Variants in LGSN observed in about 807,000 individuals in gnomAD.
LGSN encodes lengsin, lens protein with glutamine synthetase domain.
A neutral mutation model predicts 19.5 loss-of-function variants in LGSN; 21 were observed. The ratio of observed to expected loss-of-function variants is 1.07; its 90% CI spans 0.76 to 1.55. LGSN has a LOEUF of 1.55. Among genes scored for constraint, LGSN ranks in the 40% most tolerant of loss-of-function variants. LGSN has a pLI of 0.00. For synonymous variants in LGSN, 257 were observed against 215.6 expected, an observed-to-expected ratio of 1.19 and a Z score of -1.68; for missense variants, 673 against 608.5, an observed-to-expected ratio of 1.11 and a Z score of -1.12.
At chr6:63,430,632 C>T in the LGSN span, among the ~76,000 whole-genome samples, 89 of 152,252 alleles carry the variant, frequency 5.8e-4, 1 homozygote, top group South Asian at 6.6e-3. Context: ...AAGTGATTCG[C>T]TTGCCACGGC....
chr6:63,281,354 A>ATATATATATAATAAATAT (rs1767318084), intron 3 of LGSN, 134 bp from the exon 4 acceptor site: 1 of 168,694 alleles, frequency 5.9e-6, no homozygotes, highest in Non-Finnish European at 1.2e-5. Flanking sequence ...ATATATGTTT[A>ATATATATATAATAAATAT]ACACTTGTTG....
chr6:63,304,412 T>C (rs1484913347), intron 1 of LGSN, among the ~76,000 whole-genome samples: 1 of 152,220 alleles, frequency 6.6e-6, no homozygotes, highest in African/African-American at 2.4e-5. Flanking sequence ...CTTTAAATTC[T>C]CTTGCTAAAG....
At chr6:63,520,368 T>G in the LGSN span, among the ~76,000 whole-genome samples, 1 of 152,206 alleles carries the variant, frequency 6.6e-6, no homozygotes, top group East Asian at 1.9e-4. Context: ...GGCTCATGCC[T>G]GTAATCCCAG....
chr6:63,519,086 G>A, the LGSN span, among the ~76,000 whole-genome samples: 13 of 152,234 alleles, frequency 8.5e-5, no homozygotes, highest in South Asian at 2.3e-3. Flanking sequence ...AGGCCAAGGC[G>A]GGCAGATCGC....
At chr6:63,333,661 GA>G in the LGSN span, among the ~76,000 whole-genome samples, 5 of 150,506 alleles carry the variant, frequency 3.3e-5, no homozygotes, top group Non-Finnish European at 7.4e-5. Flanking sequence ...AAGGGGAAGG[GA>G]AGAGGAAGGG....
At position 63,285,750 on chromosome 6, in the gene LGSN, C is replaced by A; in HGVS notation, c.167G>T (p.Cys56Phe). The part of the protein sequence containing the change: ...GETDMSNSND[C>F]MRDSSQILTP... Reference sequence around the variant, plus strand: ...CAAAATTTGACTGCTGTCCCTCATGCAATCTGCAAAATAAAAAAATAGGTT... The same window carrying A: ...CAAAATTTGACTGCTGTCCCTCATGAAATCTGCAAAATAAAAAAATAGGTT... Residue 56 changes from cysteine to phenylalanine, a missense_variant, in exon 3 of 4, where the codon TGC becomes TTC. Transcript: ENST00000370657. The A allele has an allele frequency of 6.2e-7, 1 of 1,613,412 alleles. No homozygotes were observed. The highest frequency in any genetic ancestry group is 8.5e-7 in the Non-Finnish European group (1 of 1,179,622).
intron 1 of LGSN, among the ~76,000 whole-genome samples, chr6:63,302,525 G>A (rs958445980): frequency 6.6e-6 from 1 of 152,160 alleles, no homozygotes; most frequent in Non-Finnish European, 1.5e-5. Context: ...TAATGAAGAA[G>A]TTGACCAGTT....
the LGSN span, among the ~76,000 whole-genome samples, chr6:63,495,757 T>C: frequency 6.6e-6 from 1 of 151,642 alleles, no homozygotes. Context: ...GTCTCAAAGA[T>C]ACTTAAATCT....
chr6:63,427,549 C>T, the LGSN span, among the ~76,000 whole-genome samples: 6 of 152,084 alleles, frequency 3.9e-5, no homozygotes. Context: ...TTTTAATGTG[C>T]TAATTTGAAA....
the LGSN span, chr6:63,441,801 T>TGCTGA: frequency 7.1e-5 from 23 of 322,130 alleles, no homozygotes; most frequent in African/African-American, 3.6e-4. Context: ...TTCTGGGCTG[T>TGCTGA]GCTGAAACTG....
chr6:63,413,185 A>G, the LGSN span, among the ~76,000 whole-genome samples: 4 of 152,166 alleles, frequency 2.6e-5, no homozygotes, highest in African/African-American at 9.6e-5. Flanking sequence ...GTTATGGATT[A>G]TCATGGAGAT....
chr6:63,438,516 C>A, the LGSN span, among the ~76,000 whole-genome samples: 4 of 151,940 alleles, frequency 2.6e-5, no homozygotes, highest in Admixed American at 6.6e-5. Context: ...AAGAAAAAAA[C>A]AAACAACCCC....
At chr6:63,328,426 A>G in the LGSN span, among the ~76,000 whole-genome samples, 1 of 152,200 alleles carries the variant, frequency 6.6e-6, no homozygotes, top group African/African-American at 2.4e-5. Flanking sequence ...CCTGGTATCT[A>G]AGTAGGTTGT....
chr6:63,554,940 A>G, the LGSN span, among the ~76,000 whole-genome samples: 6,009 of 152,284 alleles, frequency 0.039, 411 homozygotes, highest in African/African-American at 0.14. Flanking sequence ...AGAATCATAC[A>G]AAGAGACAAT....
At chr6:63,320,886 C>T (rs2127399507), upstream of LGSN, among the ~76,000 whole-genome samples, 1 of 152,290 alleles carries the variant, frequency 6.6e-6, no homozygotes, top group Non-Finnish European at 1.5e-5. Context: ...TCTCTTGGCC[C>T]ATTTCAAAAG....
At chr6:63,396,353 G>T in the LGSN span, 1 of 240,044 alleles carries the variant, frequency 4.2e-6, no homozygotes. Flanking sequence ...CTGCACTCTT[G>T]GCTCCAACAC....
the LGSN span, among the ~76,000 whole-genome samples, chr6:63,519,555 A>G: frequency 6.6e-6 from 1 of 152,190 alleles, no homozygotes; most frequent in African/African-American, 2.4e-5. Context: ...AAGGGTAAAG[A>G]CACCACATAT....
the LGSN span, among the ~76,000 whole-genome samples, chr6:63,342,521 C>T: frequency 6.6e-6 from 1 of 152,116 alleles, no homozygotes; most frequent in South Asian, 2.1e-4. Flanking sequence ...AATAGTTATA[C>T]TTTATGTCTA....
the LGSN span, among the ~76,000 whole-genome samples, chr6:63,444,767 C>G: frequency 1.1e-4 from 17 of 152,272 alleles, no homozygotes; most frequent in South Asian, 3.5e-3. Context: ...TCAGTTAAAT[C>G]CCTGAGAAGA....
Sources: allele counts gnomAD v4.1 joint callset (sites outside exome capture counted in the v4.1 genomes callset), GRCh38; gene constraint gnomAD v4.1.1; transcripts MANE v1.5; gene names NCBI Gene and HGNC (gene_info 2026-07-23, HGNC 2026-07-21).